Variants in RAB11FIP4 observed in about 807,000 individuals in gnomAD.
RAB11FIP4 encodes the protein rab11 family-interacting protein 4.
RAB11FIP4 carries 23 observed loss-of-function variants against 74.3 expected under a neutral mutation model. The ratio of observed to expected loss-of-function variants is 0.31; its 90% CI spans 0.22 to 0.44. The LOEUF is 0.44. Ranked by LOEUF, RAB11FIP4 falls within the 20% of genes least tolerant of loss-of-function variation. The pLI is 1.00. For synonymous variants in RAB11FIP4, 360 were observed against 359.9 expected, an observed-to-expected ratio of 1.00 and a Z score of 0.00; for missense variants, 630 against 863.9, an observed-to-expected ratio of 0.73 and a Z score of 3.39.
intron 3 of RAB11FIP4, among the ~76,000 whole-genome samples, chr17:31,458,790 C>T (rs541832879): frequency 2.6e-5 from 4 of 152,214 alleles, no homozygotes; most frequent in African/African-American, 9.6e-5. Flanking sequence ...TGTGGGTCAC[C>T]CAGGGTGTGA....
At chr17:31,472,915 C>A (rs921847853) in intron 3 of RAB11FIP4, among the ~76,000 whole-genome samples, 11 of 152,004 alleles carry the variant, frequency 7.2e-5, no homozygotes, top group South Asian at 2.1e-4. Flanking sequence ...CACCTGTAGA[C>A]CCAGCTACTC....
Position 31,521,282 on chromosome 17 carries a change from G to A in RAB11FIP4, c.680G>A (p.Cys227Tyr). 2 of 1,614,080 alleles carry A rather than the reference G, an allele frequency of 1.2e-6. No individual in the cohort carries two copies. Among genetic ancestry groups the A allele is most frequent in the Non-Finnish European group, 1.7e-6 (2 of 1,179,952 alleles). The change falls in exon 5 of 15, where the codon TGT becomes TAT. Residue 227 changes from cysteine to tyrosine, a missense_variant. Physicochemically the swap from Cys to Tyr is radical, Grantham distance 194. Coordinates refer to ENST00000621161, the MANE Select transcript of RAB11FIP4 (RefSeq NM_032932.6). ...EDYGEGDDVD[C>Y]APSSPCPDDE... ...TATGGGGAGGGTGACGATGTGGACT[G>A]TGCCCCCAGCAGCCCTTGCCCCGAT... is the stretch of plus-strand genomic sequence containing the variant.
Position 31,475,121 on chromosome 17 carries a change from C to A in RAB11FIP4, c.336+40999C>A, listed in dbSNP as rs1480064517. 1.3e-5 allele frequency among the ~76,000 whole-genome samples: 2 copies of A among 152,040 alleles called. 1 individual carries two copies. Among genetic ancestry groups the A allele is most frequent in the Non-Finnish European group, 2.9e-5 (2 of 68,012 alleles). ...CTTGAAGGGGATGGGGTCCAGGGCC[C>A]ACATGGAAGGGTCCATCTGTGAATA... On this transcript the variant is annotated intron_variant, in intron 3 of 14. Transcript: ENST00000621161.
At chr17:31,438,659 A>G (rs959943633) in intron 3 of RAB11FIP4, among the ~76,000 whole-genome samples, 6 of 151,950 alleles carry the variant, frequency 3.9e-5, no homozygotes, top group Admixed American at 6.6e-5. Flanking sequence ...CTCTAGCCTC[A>G]TCTCTCACCA....
chr17:31,520,482 A>C (rs759214889), intron 4 of RAB11FIP4, among the ~76,000 whole-genome samples: 11 of 152,122 alleles, frequency 7.2e-5, no homozygotes, highest in Non-Finnish European at 1.5e-4. Flanking sequence ...CAGAGCAGCT[A>C]CTCCGAATGT....
chr17:31,521,487 C>G, intron 5 of RAB11FIP4, 127 bp downstream of exon 5: 1 of 844,146 alleles, frequency 1.2e-6, no homozygotes, highest in Non-Finnish European at 1.8e-6. Flanking sequence ...TACTTGAGTT[C>G]TGCTCCTGGG....
chr17:31,448,772 C>T (rs893355861), intron 3 of RAB11FIP4, among the ~76,000 whole-genome samples: 5 of 152,180 alleles, frequency 3.3e-5, no homozygotes, highest in South Asian at 2.1e-4. Context: ...ACCAGATCCT[C>T]CAGACACTGC....
chr17:31,402,622 ATTTAT>A (rs1258631026), intron 1 of RAB11FIP4, among the ~76,000 whole-genome samples: 2 of 149,928 alleles, frequency 1.3e-5, no homozygotes, highest in Non-Finnish European at 3.0e-5. Flanking sequence ...TTATTTATTT[ATTTAT>A]TTATTTATTT....
chr17:31,457,635 G>C (rs115516843), intron 3 of RAB11FIP4, among the ~76,000 whole-genome samples: 1 of 152,008 alleles, frequency 6.6e-6, no homozygotes. Flanking sequence ...GAGACCCAGC[G>C]GGAGCTTTGA....
intron 3 of RAB11FIP4, among the ~76,000 whole-genome samples, chr17:31,492,129 C>T (rs1485262128): frequency 3.3e-5 from 5 of 152,298 alleles, no homozygotes; most frequent in Non-Finnish European, 5.9e-5. Flanking sequence ...CCGTGTTTTC[C>T]GTACTCTGGC....
intron 3 of RAB11FIP4, among the ~76,000 whole-genome samples, chr17:31,487,133 A>C (rs2071912497): frequency 6.6e-6 from 1 of 152,208 alleles, no homozygotes; most frequent in South Asian, 2.1e-4. Context: ...ACAGGAAGAT[A>C]AATCTCTCCC....
rs377753907 is a variant in RAB11FIP4 at position 31,482,380 on chromosome 17, G to C, written c.337-35271G>C. On this transcript the variant is annotated intron_variant, in intron 3 of 14. Coordinates refer to ENST00000621161, the MANE Select transcript of RAB11FIP4 (RefSeq NM_032932.6). Reference sequence around the variant, plus strand: ...GGCCGAGGCAGGCAGATCACTTGAGGCCAGTTCAAGACTAGCCTGGCCAAC... The same window carrying C: ...GGCCGAGGCAGGCAGATCACTTGAGCCCAGTTCAAGACTAGCCTGGCCAAC... Among the ~76,000 whole-genome samples, 17 of 151,998 alleles carry C rather than the reference G, an allele frequency of 1.1e-4. 1 individual carries two copies. In the South Asian group the frequency reaches 1.9e-3, roughly 17 times the overall value.
chr17:31,414,119 T>C (rs1046555773), intron 1 of RAB11FIP4, among the ~76,000 whole-genome samples: 1 of 152,080 alleles, frequency 6.6e-6, no homozygotes, highest in Non-Finnish European at 1.5e-5. Flanking sequence ...CTCAGGGAGG[T>C]TGAGTCATCC....
At chr17:31,520,670 G>A (rs368589295) in intron 4 of RAB11FIP4, among the ~76,000 whole-genome samples, 1 of 151,970 alleles carries the variant, frequency 6.6e-6, no homozygotes, top group Admixed American at 6.6e-5. Context: ...ACCACGCCCG[G>A]CTAATTTTTT....
chr17:31,469,921 T>A (rs1363815315), intron 3 of RAB11FIP4, among the ~76,000 whole-genome samples: 1 of 152,066 alleles, frequency 6.6e-6, no homozygotes, highest in Non-Finnish European at 1.5e-5. Context: ...CAGGCAAGAG[T>A]GGCTTTACCT....
chr17:31,465,828 C>A (rs535527981), intron 3 of RAB11FIP4: 1 of 151,708 alleles, frequency 6.6e-6, no homozygotes, highest in Non-Finnish European at 1.5e-5. Context: ...ATAGCAAGAC[C>A]CTGTCTTTAA....
intron 3 of RAB11FIP4, among the ~76,000 whole-genome samples, chr17:31,474,203 C>T (rs1002072944): frequency 1.6e-4 from 25 of 152,068 alleles, no homozygotes; most frequent in Admixed American, 1.3e-4. Context: ...GCATTTAGTT[C>T]GGAGCTCCAG....
rs553836264 is a variant in RAB11FIP4, at chr17:31,491,910, C to T, written c.337-25741C>T. Among the ~76,000 whole-genome samples the T allele has an allele frequency of 3.9e-5, 6 of 152,288 alleles. No individual in the cohort carries two copies. The South Asian group carries it at 8.3e-4, about 21-fold the overall frequency. On this transcript the variant is annotated intron_variant, in intron 3 of 14. Transcript: ENST00000621161. ...TGCCCTCAGCTTGAGTTGGGTCAGA[C>T]GAGCCTGTCCATGTGAACGTGGAAA... is the stretch of plus-strand genomic sequence containing the variant.
chr17:31,419,210 AT>A (rs2071176018), intron 1 of RAB11FIP4, among the ~76,000 whole-genome samples: 1 of 151,604 alleles, frequency 6.6e-6, no homozygotes, highest in Admixed American at 6.6e-5. Flanking sequence ...GTGTGTGTGA[AT>A]GTAAGTTTTC....
Sources: allele counts gnomAD v4.1 joint callset (sites outside exome capture counted in the v4.1 genomes callset), GRCh38; gene constraint gnomAD v4.1.1; transcripts MANE v1.5; gene names NCBI Gene and HGNC (gene_info 2026-07-23, HGNC 2026-07-21).